The following BDP1 variants were observed in gnomAD, a reference collection of about 807,000 sequenced individuals.
BDP1 encodes the protein transcription factor TFIIIB component B'' homolog.
Under a neutral mutation model 266.6 loss-of-function variants are expected in BDP1, and 169 were observed. That is an observed-to-expected ratio of 0.63 (90% CI 0.56 to 0.72). The LOEUF (loss-of-function observed/expected upper bound fraction) is 0.72, where lower values mean the gene tolerates loss of function less well. Among genes scored for constraint, BDP1 ranks in the 30% least tolerant of loss-of-function variants. The probability of loss-of-function intolerance (pLI) is 0.00; values close to 1 mark genes in which losing one functional copy is unlikely to be tolerated. For missense variants in BDP1, 3,015 were observed against 3,053.8 expected, an observed-to-expected ratio of 0.99 and a Z score of 0.30; for synonymous variants, 1,090 against 1,022.4, an observed-to-expected ratio of 1.07 and a Z score of -1.26.
chr5:71,489,444 T>C lies in BDP1; in HGVS notation c.1254T>C (p.Asp418=), dbSNP rs1580054548. 1 of 1,613,498 alleles carries C rather than the reference T, an allele frequency of 6.2e-7. No individual in the cohort carries two copies. The highest frequency in any genetic ancestry group is 8.5e-7 in the Non-Finnish European group (1 of 1,179,838). ...GTGAAGGAGTGAATAATGATCCAGA[T>C]GAGTCTATGAGTTCTAGAATTTCAG... ...VACEGVNNDP[D]ESMSSRISDT... is the part of the protein sequence containing the mutation. Residue 418 remains aspartate (D), a synonymous_variant, in exon 10 of 39, where the codon GAT becomes GAC. Transcript: ENST00000358731.
Position 71,470,406 on chromosome 5 carries a change from T to C in BDP1, c.931T>C (p.Phe311Leu). The C allele has an allele frequency of 2.5e-6, 4 of 1,578,026 alleles. No individual in the cohort carries two copies. The highest frequency in any genetic ancestry group is 3.5e-6 in the Non-Finnish European group (4 of 1,153,488). The stretch of plus-strand genomic sequence containing the variant: ...TTTTATTTTCACAGAAACAGATATG[T>C]TTTTTTTAGCCATCAGCATGGTAGG... ...KPWSNKETDM[F>L]FLAISMVGTD... The change falls in exon 7 of 39, where the codon TTT becomes CTT. Residue 311 changes from phenylalanine (F) to leucine (L), a missense_variant. Phe to Leu is a conservative substitution (Grantham distance 22). Coordinates refer to ENST00000358731, the MANE Select transcript of BDP1 (RefSeq NM_018429.3).
At chr5:71,577,736 G>A in the BDP1 span, among the ~76,000 whole-genome samples, 19 of 152,042 alleles carry the variant, frequency 1.2e-4, no homozygotes, top group South Asian at 1.0e-3. Flanking sequence ...CCTGGAGAGC[G>A]TCAACCCTTG....
intron 8 of BDP1, among the ~76,000 whole-genome samples, chr5:71,485,728 G>A (rs926877879): frequency 9.2e-5 from 14 of 152,092 alleles, no homozygotes; most frequent in African/African-American, 3.4e-4. Flanking sequence ...TATTTAGTGG[G>A]CATGTTCCTG....
In BDP1 at chr5:71,544,406, C is replaced by T. The variant is rs182190; in HGVS notation, c.6462C>T (p.Leu2154=). 0.45 allele frequency: 724,101 copies of T among 1,612,472 alleles called. 164,799 individuals carry two copies. Among genetic ancestry groups the T allele is most frequent in the South Asian group, 0.48 (43,738 of 90,798 alleles). The change falls in exon 31 of 39, where the codon CTC becomes CTT. Residue 2154 remains leucine (L), a synonymous_variant. Transcript: ENST00000358731. ...CAACAGAATTGGAAAATAAAAACCT[C>T]GGACCAGTTACAACAGCAGAGAATA... ...SKATELENKN[L]GPVTTAENKD...
intron 25 of BDP1, among the ~76,000 whole-genome samples, chr5:71,531,957 A>AC (rs1326704621): frequency 1.3e-5 from 2 of 152,218 alleles, no homozygotes; most frequent in African/African-American, 4.8e-5. Context: ...ATATCCCTGT[A>AC]CACCTAGCCT....
chr5:71,552,416 T>C (rs1332241696), intron 34 of BDP1, among the ~76,000 whole-genome samples: 43 of 151,888 alleles, frequency 2.8e-4, no homozygotes, highest in Non-Finnish European at 4.9e-4. Flanking sequence ...TCCCAGACGA[T>C]GGGCGGCCAG....
At chr5:71,481,412 A>G (rs1042243968) in intron 7 of BDP1, among the ~76,000 whole-genome samples, 2 of 149,654 alleles carry the variant, frequency 1.3e-5, no homozygotes, top group Admixed American at 1.3e-4. Context: ...AAAAAAAAAA[A>G]AAAGCCAGGC....
In BDP1 at chr5:71,532,338, G is replaced by C. The variant is rs1367606342; in HGVS notation, c.5803G>C (p.Gly1935Arg). ...LEITVNVPDV[G>R]CIAVVEHELP... ...AATAACTGTGAATGTCCCAGATGTA[G>C]GATGCATAGCTGTTGTTGAACATGA... Residue 1935 changes from glycine (G) to arginine (R), a missense_variant, in exon 26 of 39, where the codon GGA becomes CGA. Physicochemically the swap from Gly to Arg is moderately radical, Grantham distance 125 (BLOSUM62 -2). This residue lies in a region of BDP1 where 2,383 missense variants were observed against 2,404.9 expected (regional missense o/e 0.99). Coordinates refer to ENST00000358731, the MANE Select transcript of BDP1 (RefSeq NM_018429.3). 2.5e-6 allele frequency: 4 copies of C among 1,613,296 alleles called. No individual in the cohort carries two copies. Among genetic ancestry groups the C allele is most frequent in the Non-Finnish European group, 3.4e-6 (4 of 1,179,584 alleles).
the BDP1 span, among the ~76,000 whole-genome samples, chr5:71,574,865 C>T: frequency 3.3e-5 from 5 of 152,280 alleles, no homozygotes; most frequent in East Asian, 5.8e-4. Context: ...CTCTAATAGA[C>T]CCACCTGTGT....
intron 4 of BDP1, among the ~76,000 whole-genome samples, chr5:71,465,647 CT>C (rs1761859172): frequency 1.3e-5 from 2 of 152,164 alleles, no homozygotes; most frequent in Non-Finnish European, 2.9e-5. Flanking sequence ...CTTTGGGAGG[CT>C]GAGGCGGGTG....
In BDP1 at chr5:71,566,901, G is replaced by A. The variant is rs1441588402; in HGVS notation, c.*2016G>A. ...TGAAAAAATGGTGGCCAGTTTTTAA[G>A]TTCCTTAATAGAAGAGAATTATGTC... On this transcript the variant is annotated 3_prime_UTR_variant, in exon 39 of 39. Transcript: ENST00000358731. The A allele has an allele frequency of 2.6e-5, 4 of 152,186 alleles. No individual in the cohort carries two copies. The highest frequency in any genetic ancestry group is 5.9e-5 in the Non-Finnish European group (4 of 68,034). The allele number at this position is 152,186 out of a possible 1,614,324, so 9.4% of individuals were successfully genotyped here.
intron 34 of BDP1, among the ~76,000 whole-genome samples, chr5:71,551,330 C>T (rs1204239786): frequency 2.0e-5 from 3 of 152,140 alleles, no homozygotes; most frequent in South Asian, 2.1e-4. Context: ...GAGCATACTG[C>T]GTTCAAGCAT....
chr5:71,540,137 T>A (rs1019269795), intron 28 of BDP1, among the ~76,000 whole-genome samples: 3 of 152,164 alleles, frequency 2.0e-5, no homozygotes, highest in Non-Finnish European at 4.4e-5. Flanking sequence ...AAAAGATATA[T>A]CAACCAAGAT....
Position 71,503,143 on chromosome 5 carries a change from C to T in BDP1, c.2241+352C>T, listed in dbSNP as rs539890777. ...GTGCGACTGCAGGCTCACACCACCA[C>T]GCCTGGCTAATTTTTGTATTTTTAG... On this transcript the variant is annotated intron_variant, in intron 15 of 38. Transcript: ENST00000358731. Among the ~76,000 whole-genome samples, 14 of 152,076 alleles carry T rather than the reference C, an allele frequency of 9.2e-5. No homozygotes were observed. The South Asian group carries it at 1.9e-3, about 20-fold the overall frequency.
rs762182698 is a variant in BDP1, at chr5:71,510,976, C to G, written c.3884C>G (p.Ser1295Cys). ...AAAGAAAATTTTAGAGAGAGAGGATCTGAAGAGATCTGTGTTACTGAGGAA... is the reference window on the plus strand; with the variant it reads ...AAAGAAAATTTTAGAGAGAGAGGATGTGAAGAGATCTGTGTTACTGAGGAA... ...TGKENFRERG[S>C]EEICVTEEKV... The change falls in exon 17 of 39, where the codon TCT (serine) becomes TGT (cysteine). Residue 1295 changes from serine (S) to cysteine (C), a missense_variant. Ser to Cys is a moderately radical substitution (Grantham distance 112). Transcript: ENST00000358731. The G allele has an allele frequency of 1.5e-5, 25 of 1,614,032 alleles. No individual in the cohort carries two copies. Among genetic ancestry groups the G allele is most frequent in the Non-Finnish European group, 2.1e-5 (25 of 1,179,988 alleles).
chr5:71,469,843 T>TC (rs1762132209), intron 6 of BDP1, among the ~76,000 whole-genome samples: 2 of 43,164 alleles, frequency 4.6e-5, no homozygotes. Context: ...TCTCAAACTC[T>TC]TTTTTTTTTT....
chr5:71,561,506 T>C (rs1580229991), intron 37 of BDP1, among the ~76,000 whole-genome samples: 2 of 152,328 alleles, frequency 1.3e-5, no homozygotes, highest in Admixed American at 1.3e-4. Flanking sequence ...AAATGGCATT[T>C]GTATATATTT....
chr5:71,510,595 A>C lies in BDP1; in HGVS notation c.3503A>C (p.Glu1168Ala). ...CCAGAGGAGGTCAAGCCTGTAGATG[A>C]AATGGAGACAGACTTGAAAACAACT... Reference protein sequence around the residue: ...NGPEEVKPVDEMETDLKTTGR... With the variant: ...NGPEEVKPVDAMETDLKTTGR... The change falls in exon 17 of 39, where the codon GAA becomes GCA. Residue 1168 changes from glutamate to alanine, a missense_variant. Around this residue, in one of 3 missense-constraint regions of BDP1, gnomAD observed 2,383 missense variants for 2,404.9 expected, o/e 0.99. Coordinates refer to ENST00000358731, the MANE Select transcript of BDP1 (RefSeq NM_018429.3). 3.8e-6 allele frequency: 6 copies of C among 1,587,464 alleles called. No homozygotes were observed. Among genetic ancestry groups the C allele is most frequent in the Non-Finnish European group, 5.2e-6 (6 of 1,163,072 alleles).
chr5:71,522,702 T>G lies in BDP1; in HGVS notation c.5194-54T>G. Reference sequence around the variant, plus strand: ...TTTAGGCCAAACTACCAAACCAAATTAACATAGAGATTGTTTCTGTAGTAA... The same window carrying G: ...TTTAGGCCAAACTACCAAACCAAATGAACATAGAGATTGTTTCTGTAGTAA... On this transcript the variant is annotated intron_variant, in intron 23 of 38. Transcript: ENST00000358731. 4 of 1,505,616 alleles carry G rather than the reference T, an allele frequency of 2.7e-6. No individual in the cohort carries two copies. The East Asian group carries it at 6.8e-5, about 26-fold the overall frequency. 93.3% of individuals were successfully genotyped at this position (1,505,616 alleles called of 1,614,324 possible).
Sources: allele counts gnomAD v4.1 joint callset (sites outside exome capture counted in the v4.1 genomes callset), GRCh38; gene constraint gnomAD v4.1.1; regional missense constraint gnomAD v4.1.1; transcripts MANE v1.5; gene names NCBI Gene and HGNC (gene_info 2026-07-23, HGNC 2026-07-21).